Variants in CCDC73 observed in about 807,000 individuals in gnomAD.
The protein encoded by CCDC73 is coiled-coil domain-containing protein 73.
In CCDC73, 95 loss-of-function variants were observed where a neutral mutation model predicts 116.5. That is an observed-to-expected ratio of 0.82 (90% confidence interval 0.69 to 0.97). The LOEUF (loss-of-function observed/expected upper bound fraction) is 0.97. Among genes scored for constraint, CCDC73 ranks in the 50% least tolerant of loss-of-function variants. The pLI is 0.00. For missense variants in CCDC73, 1,066 were observed against 1,206.8 expected, an observed-to-expected ratio of 0.88 and a Z score of 1.73; for synonymous variants, 398 against 401.3, an observed-to-expected ratio of 0.99 and a Z score of 0.10.
intron 1 of CCDC73, among the ~76,000 whole-genome samples, chr11:32,764,606 G>C (rs1850423412): frequency 6.6e-6 from 1 of 152,120 alleles, no homozygotes; most frequent in Admixed American, 6.5e-5. Flanking sequence ...AAAAGCTCCT[G>C]AACGAAGCAC....
intron 16 of CCDC73, among the ~76,000 whole-genome samples, chr11:32,612,914 G>C (rs1331280683): frequency 6.6e-6 from 1 of 152,054 alleles, no homozygotes; most frequent in African/African-American, 2.4e-5. Context: ...CAGTTTTTAA[G>C]ACAGAACAAT....
chr11:32,811,077 C>CAAA, the CCDC73 span, among the ~76,000 whole-genome samples: 1,159 of 144,988 alleles, frequency 8.0e-3, 19 homozygotes, highest in African/African-American at 0.027. Flanking sequence ...ACAACAACAA[C>CAAA]AAAAAAAAAA....
chr11:32,602,962 G>A lies in CCDC73; in HGVS notation c.3089C>T (p.Thr1030Met), dbSNP rs371633488. 1.3e-4 allele frequency: 203 copies of A among 1,613,360 alleles called. No individual in the cohort carries two copies. The South Asian group carries it at 1.8e-3, about 14-fold the overall frequency. The change falls in exon 18 of 18, where the codon ACG becomes ATG. Residue 1030 changes from threonine to methionine, a missense_variant. Thr to Met is a moderately conservative substitution (Grantham distance 81). Coordinates refer to ENST00000335185, the MANE Select transcript of CCDC73 (RefSeq NM_001008391.4). ...ATCATCACCAGAAGTATTTTTAGTC[G>A]TCTTGATTGCCTGCAAATGGCTTTG... is the stretch of plus-strand genomic sequence containing the variant. ...PLQSHLQAIK[T>M]TKNTSGDDDW...
chr11:32,708,160 T>C (rs191440371), intron 3 of CCDC73, among the ~76,000 whole-genome samples: 3 of 152,322 alleles, frequency 2.0e-5, no homozygotes, highest in African/African-American at 4.8e-5. Context: ...TTGAAAAGGA[T>C]GTCCTTTCTT....
At chr11:32,785,434 C>A (rs541219500) in intron 1 of CCDC73, among the ~76,000 whole-genome samples, 2 of 152,234 alleles carry the variant, frequency 1.3e-5, no homozygotes, top group African/African-American at 4.8e-5. Context: ...CAGGATCTCA[C>A]TCTGTCACCC....
intron 17 of CCDC73, chr11:32,604,338 T>C (rs114189186): frequency 0.015 from 2,272 of 152,292 alleles, 60 homozygotes; most frequent in African/African-American, 0.051. Context: ...TCTTAACTCT[T>C]GGGCTCAAGT....
chr11:32,731,964 T>G (rs529611403), intron 2 of CCDC73, among the ~76,000 whole-genome samples: 1 of 152,156 alleles, frequency 6.6e-6, no homozygotes, highest in Admixed American at 6.5e-5. Flanking sequence ...AATAACAAAC[T>G]TCTCCGAGCT....
At chr11:32,659,332 T>C (rs914203735) in intron 9 of CCDC73, among the ~76,000 whole-genome samples, 1 of 152,130 alleles carries the variant, frequency 6.6e-6, no homozygotes, top group Non-Finnish European at 1.5e-5. Context: ...TAGTTGAACA[T>C]ATAGAACCAG....
intron 2 of CCDC73, among the ~76,000 whole-genome samples, chr11:32,729,148 T>C (rs1248290718): frequency 3.9e-5 from 6 of 152,212 alleles, no homozygotes; most frequent in Admixed American, 2.6e-4. Flanking sequence ...ATCCATTAGC[T>C]ATTCTTCTTG....
At position 32,642,082 on chromosome 11, in the gene CCDC73, T is replaced by C. The variant is rs1855738331; in HGVS notation, c.940A>G (p.Thr314Ala). The C allele has an allele frequency of 7.2e-6, 11 of 1,523,752 alleles. No individual in the cohort carries two copies. The highest frequency in any genetic ancestry group is 2.4e-5 in the East Asian group (1 of 41,698). The allele number at this position is 1,523,752 out of a possible 1,614,324, so 94.4% of individuals were successfully genotyped here. The change falls in exon 13 of 18, where the codon ACC becomes GCC. Residue 314 changes from threonine to alanine, a missense_variant and splice_region_variant. Coordinates refer to ENST00000335185, the MANE Select transcript of CCDC73 (RefSeq NM_001008391.4). The stretch of plus-strand genomic sequence containing the variant: ...TGCAGCTCATTATCTCTTTCAAGGG[T>C]CTGCAATAAAATTAATTATCCAAAA... ...ELKVLKENNQ[T>A]LERDNELQRE...
chr11:32,811,406 G>T, the CCDC73 span, among the ~76,000 whole-genome samples: 1 of 152,048 alleles, frequency 6.6e-6, no homozygotes, highest in Non-Finnish European at 1.5e-5. Flanking sequence ...TATTTCATTT[G>T]TTAAGAATTG....
In CCDC73 at chr11:32,614,287, T is replaced by C; in HGVS notation, c.2031A>G (p.Leu677=). 6.2e-7 allele frequency: 1 copy of C among 1,613,508 alleles called. No individual in the cohort carries two copies. Residue 677 remains leucine, a synonymous_variant, in exon 16 of 18, where the codon TTA becomes TTG. Coordinates refer to ENST00000335185, the MANE Select transcript of CCDC73 (RefSeq NM_001008391.4). Reference sequence around the variant, plus strand: ...GAAAATCTGAAGTTTGTTTAGAAAGTAATATGCTGCACTCACTTTTTTTAG... The same window carrying C: ...GAAAATCTGAAGTTTGTTTAGAAAGCAATATGCTGCACTCACTTTTTTTAG... ...LLTKKSECSI[L]LSKQTSDFLQ... is the part of the protein sequence containing the mutation.
intron 12 of CCDC73, among the ~76,000 whole-genome samples, chr11:32,646,878 A>G (rs1383302843): frequency 6.6e-6 from 1 of 152,124 alleles, no homozygotes; most frequent in East Asian, 1.9e-4. Context: ...TTTTTAGAAG[A>G]CAGTATTATC....
At chr11:32,633,569 G>C (rs1488510227) in intron 14 of CCDC73, among the ~76,000 whole-genome samples, 1 of 152,122 alleles carries the variant, frequency 6.6e-6, no homozygotes, top group East Asian at 1.9e-4. Context: ...TAAAGGAAAA[G>C]GCACATGAGT....
At chr11:32,811,077 C>CAA in the CCDC73 span, among the ~76,000 whole-genome samples, 68,111 of 144,500 alleles carry the variant, frequency 0.47, 15,901 homozygotes, top group South Asian at 0.6. Context: ...ACAACAACAA[C>CAA]AAAAAAAAAA....
At chr11:32,678,594 T>C (rs1856113159) in intron 7 of CCDC73, among the ~76,000 whole-genome samples, 1 of 152,004 alleles carries the variant, frequency 6.6e-6, no homozygotes, top group Non-Finnish European at 1.5e-5. Context: ...TTAAAAAATA[T>C]TCACGAAGGG....
chr11:32,666,140 G>A (rs1855978935), intron 9 of CCDC73, among the ~76,000 whole-genome samples: 1 of 151,996 alleles, frequency 6.6e-6, no homozygotes, highest in Non-Finnish European at 1.5e-5. Context: ...TATGTTTCTT[G>A]GAGTTGCTCT....
At chr11:32,662,808 T>C (rs1855943252) in intron 9 of CCDC73, among the ~76,000 whole-genome samples, 1 of 152,196 alleles carries the variant, frequency 6.6e-6, no homozygotes, top group African/African-American at 2.4e-5. Context: ...TTCTAGGGTT[T>C]TTATGGTTTT....
At chr11:32,712,575 A>G (rs569229599) in intron 3 of CCDC73, among the ~76,000 whole-genome samples, 11 of 130 alleles carry the variant, frequency 0.085, no homozygotes, top group African/African-American at 0.13. Context: ...GATCTAAATA[A>G]AAAATAAGAG....
Sources: gnomAD v4.1 joint callset for allele counts (sites outside exome capture counted in the v4.1 genomes callset) on GRCh38, gnomAD v4.1.1 for gene constraint, MANE v1.5 for transcripts, NCBI Gene and HGNC (gene_info 2026-07-23, HGNC 2026-07-21) for gene names.